CCDC81: variants seen among roughly 807,000 people sequenced by gnomAD.
CCDC81 encodes the protein coiled-coil domain-containing protein 81.
A neutral mutation model predicts 83.7 loss-of-function variants in CCDC81; 79 were observed. The ratio of observed to expected loss-of-function variants is 0.94; its 90% CI spans 0.79 to 1.14. The LOEUF (loss-of-function observed/expected upper bound fraction) is 1.14. CCDC81 is among the 50% of genes most tolerant of loss of function. CCDC81 has a pLI of 0.00. For missense variants in CCDC81, 791 were observed against 778.1 expected, an observed-to-expected ratio of 1.02 and a Z score of -0.20; for synonymous variants, 252 against 278.1, an observed-to-expected ratio of 0.91 and a Z score of 0.93.
At chr11:86,420,487 T>C (rs906736409) in intron 14 of CCDC81, among the ~76,000 whole-genome samples, 1 of 152,160 alleles carries the variant, frequency 6.6e-6, no homozygotes, top group Non-Finnish European at 1.5e-5. Flanking sequence ...CAAGAGCATC[T>C]TTCTGAAATT....
rs764144771 is a variant in CCDC81, at chr11:86,375,183, G to A, written c.20G>A (p.Arg7His). 6.2e-7 allele frequency: 1 copy of A among 1,613,414 alleles called. No homozygotes were observed. The highest frequency in any genetic ancestry group is 8.5e-7 in the Non-Finnish European group (1 of 1,179,860). The change falls in exon 1 of 15, where the codon CGT (arginine) becomes CAT (histidine). Residue 7 changes from arginine to histidine, a missense_variant. By Grantham distance (29) the Arg-to-His change is conservative. Transcript: ENST00000445632. MLDTIA[R>H]ALQDLGRQVL... is the part of the protein sequence containing the mutation. ...TTGGAGATGTTGGATACGATCGCCCGTGCCCTGCAGGACCTGGGCAGGCAG... is the reference window on the plus strand; with the variant it reads ...TTGGAGATGTTGGATACGATCGCCCATGCCCTGCAGGACCTGGGCAGGCAG...
chr11:86,379,057 G>A (rs144015154), intron 1 of CCDC81, among the ~76,000 whole-genome samples: 1,952 of 151,128 alleles, frequency 0.013, 15 homozygotes, highest in Middle Eastern at 0.017. Flanking sequence ...TTTCCACTGA[G>A]CATTTTACGA....
intron 1 of CCDC81, among the ~76,000 whole-genome samples, chr11:86,381,980 A>G (rs1366562605): frequency 6.6e-6 from 1 of 152,154 alleles, no homozygotes; most frequent in Non-Finnish European, 1.5e-5. Context: ...TTATGGTGAG[A>G]GTATGATGTG....
chr11:86,403,122 G>C (rs1948516192), intron 7 of CCDC81, among the ~76,000 whole-genome samples: 1 of 146,426 alleles, frequency 6.8e-6, no homozygotes, highest in Non-Finnish European at 1.5e-5. Flanking sequence ...TCAAAGTGCT[G>C]GGATTACAGG....
intron 4 of CCDC81, 147 bp from the exon 5 acceptor site, chr11:86,395,186 AT>A: frequency 1.8e-6 from 1 of 567,204 alleles, no homozygotes. Flanking sequence ...TCCTCATTGG[AT>A]TTTTAAGCTC....
chr11:86,412,563 AG>A lies in CCDC81; in HGVS notation c.1391+5del, dbSNP rs781478091. On this transcript the variant is annotated splice_donor_5th_base_variant and intron_variant, in intron 11 of 14. Coordinates refer to ENST00000445632, the MANE Select transcript of CCDC81 (RefSeq NM_001156474.2). The stretch of plus-strand genomic sequence containing the variant: ...AACAAGTGCAACTCACAGAGGAGTG[AG>A]TCCAGCTACACACGCTCTGACAAAT... 6.3e-7 allele frequency: 1 copy of A among 1,599,078 alleles called. No homozygotes were observed. The highest frequency in any genetic ancestry group is 1.8e-5 in the Admixed American group (1 of 56,108).
Position 86,408,071 on chromosome 11 carries a change from C to T in CCDC81, c.970-56C>T, listed in dbSNP as rs1308390960. The T allele has an allele frequency of 2.4e-5, 38 of 1,571,520 alleles. 1 individual carries two copies. In the East Asian group the frequency reaches 6.9e-4, roughly 28 times the overall value. ...CTTTGGAGAGCTTGTGAAGGGAATGCGAAAGCAAAAAGGTAAAATGTAAAA... is the reference window on the plus strand; with the variant it reads ...CTTTGGAGAGCTTGTGAAGGGAATGTGAAAGCAAAAAGGTAAAATGTAAAA... On this transcript the variant is annotated intron_variant, in intron 8 of 14. Transcript: ENST00000445632.
chr11:86,400,449 A>T (rs1485418704), intron 6 of CCDC81, among the ~76,000 whole-genome samples: 1 of 152,206 alleles, frequency 6.6e-6, no homozygotes, highest in Non-Finnish European at 1.5e-5. Flanking sequence ...TATCCAGCCC[A>T]CTTCCTGCAT....
rs967193464 is a variant in CCDC81, at chr11:86,423,099, T to A, written c.*384T>A. ...AATAGTGGCAATAATAAATATTTTT[T>A]AAGCGCCTGACTGTGCATGACAATT... is the stretch of plus-strand genomic sequence containing the variant. On this transcript the variant is annotated 3_prime_UTR_variant, in exon 15 of 15. Coordinates refer to ENST00000445632, the MANE Select transcript of CCDC81 (RefSeq NM_001156474.2). 1.1e-4 allele frequency: 20 copies of A among 175,920 alleles called. 1 individual carries two copies. Among genetic ancestry groups the A allele is most frequent in the Non-Finnish European group, 1.7e-4 (14 of 82,576 alleles). 10.9% of individuals were successfully genotyped at this position (175,920 alleles called of 1,614,324 possible). A position where few individuals can be genotyped will look rare whatever the true frequency, so the allele number is the denominator to read the frequency against.
At chr11:86,406,784 G>A (rs1038035344) in intron 7 of CCDC81, among the ~76,000 whole-genome samples, 5 of 152,094 alleles carry the variant, frequency 3.3e-5, no homozygotes, top group Admixed American at 2.0e-4. Context: ...CAGCCTGGGT[G>A]ACAGAGCGAG....
At chr11:86,417,806 G>A (rs1350871118) in intron 13 of CCDC81, among the ~76,000 whole-genome samples, 28 of 151,396 alleles carry the variant, frequency 1.8e-4, no homozygotes. Context: ...GGAGTGCAGT[G>A]GTGCGATCTT....
intron 7 of CCDC81, among the ~76,000 whole-genome samples, chr11:86,406,792 G>T (rs140093613): frequency 0.016 from 2,478 of 152,170 alleles, 60 homozygotes; most frequent in African/African-American, 0.057. Context: ...GTGACAGAGC[G>T]AGACTCTGTC....
In CCDC81 at chr11:86,374,896, C is replaced by T. The variant is rs1948078220; in HGVS notation, c.-268C>T. The T allele has an allele frequency of 4.5e-6, 2 of 439,850 alleles. No homozygotes were observed. The highest frequency in any genetic ancestry group is 3.3e-5 in the Admixed American group (1 of 29,932). The allele number at this position is 439,850 out of a possible 1,614,324, so 27.2% of individuals were successfully genotyped here. Reference sequence around the variant, plus strand: ...GGGTCTGCACACTCTCACTCGGTGCCGGACATCAGTTCCTGCGGCTCTTGC... The same window carrying T: ...GGGTCTGCACACTCTCACTCGGTGCTGGACATCAGTTCCTGCGGCTCTTGC... On this transcript the variant is annotated 5_prime_UTR_variant, in exon 1 of 15. Transcript: ENST00000445632.
At chr11:86,421,547 C>A (rs1301134211) in intron 14 of CCDC81, among the ~76,000 whole-genome samples, 4 of 152,134 alleles carry the variant, frequency 2.6e-5, no homozygotes, top group African/African-American at 9.7e-5. Flanking sequence ...CCTGACCTCG[C>A]AATCCGCCCG....
intron 8 of CCDC81, 39 bp downstream of exon 8, chr11:86,407,740 T>C (rs1398843660): frequency 6.9e-7 from 1 of 1,454,762 alleles, no homozygotes; most frequent in South Asian, 1.2e-5. Context: ...ATCAGAATCT[T>C]ATACTGATTT....
At chr11:86,406,607 C>T (rs989232477) in intron 7 of CCDC81, among the ~76,000 whole-genome samples, 2 of 152,058 alleles carry the variant, frequency 1.3e-5, no homozygotes, top group Non-Finnish European at 2.9e-5. Flanking sequence ...GAGTCCGAGA[C>T]CAGCCTGACC....
In CCDC81 at chr11:86,378,094, T is replaced by C. The variant is rs183767847; in HGVS notation, c.79+2852T>C. Among the ~76,000 whole-genome samples the C allele has an allele frequency of 1.8e-3, 276 of 151,932 alleles. 2 individuals carry two copies. The highest frequency in any genetic ancestry group is 6.4e-3 in the African/African-American group (264 of 41,470). ...CAAAGATAAGTTGACTGTATTTATA[T>C]GGGTCTATTCCTGGGCTCTCTTTTG... On this transcript the variant is annotated intron_variant, in intron 1 of 14. Transcript: ENST00000445632.
At chr11:86,381,471 C>G (rs1948176183) in intron 1 of CCDC81, among the ~76,000 whole-genome samples, 1 of 152,182 alleles carries the variant, frequency 6.6e-6, no homozygotes, top group South Asian at 2.1e-4. Context: ...ACCCTCCCTC[C>G]ATGACTGGGT....
At chr11:86,404,004 T>C (rs1257506503) in intron 7 of CCDC81, among the ~76,000 whole-genome samples, 1 of 151,994 alleles carries the variant, frequency 6.6e-6, no homozygotes, top group African/African-American at 2.4e-5. Context: ...AAGTGCAAAT[T>C]TGGCTGGTGC....
Sources: gnomAD v4.1 joint callset for allele counts (sites outside exome capture counted in the v4.1 genomes callset) on GRCh38, gnomAD v4.1.1 for gene constraint, MANE v1.5 for transcripts, NCBI Gene and HGNC (gene_info 2026-07-23, HGNC 2026-07-21) for gene names.